The following TLL1 variants were observed in gnomAD, a reference collection of about 807,000 sequenced individuals.
The protein encoded by TLL1 is tolloid-like protein 1.
A neutral mutation model predicts 128.2 loss-of-function variants in TLL1; 49 were observed. That is an observed-to-expected ratio of 0.38 (90% CI 0.30 to 0.48). TLL1 has a LOEUF of 0.48. Among genes scored for constraint, TLL1 ranks in the 20% least tolerant of loss-of-function variants. The probability of loss-of-function intolerance (pLI) is 0.96; values close to 1 mark genes in which losing one functional copy is unlikely to be tolerated. For missense variants in TLL1, 1,123 were observed against 1,242.0 expected, an observed-to-expected ratio of 0.90 and a Z score of 1.44; for synonymous variants, 454 against 418.8, an observed-to-expected ratio of 1.08 and a Z score of -1.03.
At chr4:165,910,458 T>A (rs938268295) in intron 1 of TLL1, among the ~76,000 whole-genome samples, 7 of 152,218 alleles carry the variant, frequency 4.6e-5, no homozygotes, top group African/African-American at 1.7e-4. Context: ...AAAATGTGGC[T>A]CATATCCATT....
chr4:165,981,475 A>G (rs1736146774), intron 1 of TLL1, among the ~76,000 whole-genome samples: 1 of 152,084 alleles, frequency 6.6e-6, no homozygotes, highest in Non-Finnish European at 1.5e-5. Context: ...TTAATCAGTA[A>G]TGCTGCAGGG....
At chr4:165,936,206 A>ATATTT (rs765472596) in intron 1 of TLL1, among the ~76,000 whole-genome samples, 66 of 139,610 alleles carry the variant, frequency 4.7e-4, no homozygotes, top group East Asian at 1.7e-3. Flanking sequence ...ATATATATAT[A>ATATTT]TTTTTTTTTC....
At chr4:166,068,719 T>C (rs1740684636) in intron 16 of TLL1, among the ~76,000 whole-genome samples, 1 of 151,824 alleles carries the variant, frequency 6.6e-6, no homozygotes, top group African/African-American at 2.4e-5. Flanking sequence ...CAAAATAATA[T>C]GATAGTGACA....
At chr4:165,951,206 A>G (rs915818538) in intron 1 of TLL1, among the ~76,000 whole-genome samples, 6 of 152,162 alleles carry the variant, frequency 3.9e-5, no homozygotes, top group African/African-American at 1.4e-4. Context: ...TAAAGAAATG[A>G]TAACCTGAAT....
chr4:165,996,835 A>C (rs1736903079), intron 5 of TLL1, among the ~76,000 whole-genome samples: 1 of 149,778 alleles, frequency 6.7e-6, no homozygotes, highest in Non-Finnish European at 1.5e-5. Context: ...GTATTAATTA[A>C]TATATACATC....
chr4:166,096,212 T>G (rs567581467), intron 19 of TLL1, among the ~76,000 whole-genome samples: 9 of 92,216 alleles, frequency 9.8e-5, no homozygotes, highest in East Asian at 4.7e-4. Flanking sequence ...CTGTCATGGG[T>G]GTGTGTGTGT....
chr4:165,992,433 A>G lies in TLL1; in HGVS notation c.281-371A>G, dbSNP rs375896301. ...TGGCCTCCGAAAATATTCAGTTTGC[A>G]CTGGGGAAATAGCTGGCATGCAATC... On this transcript the variant is annotated intron_variant, in intron 2 of 20. Coordinates refer to ENST00000061240, the MANE Select transcript of TLL1 (RefSeq NM_012464.5). 2.6e-5 allele frequency among the ~76,000 whole-genome samples: 4 copies of G among 152,162 alleles called. No individual in the cohort carries two copies. In the East Asian group the frequency reaches 7.7e-4, roughly 29 times the overall value.
At chr4:166,090,380 A>T (rs191045399) in intron 18 of TLL1, among the ~76,000 whole-genome samples, 58 of 152,150 alleles carry the variant, frequency 3.8e-4, no homozygotes, top group African/African-American at 1.1e-3. Context: ...GTAGTGTGTT[A>T]TACATTTAAT....
At chr4:166,016,983 G>A (rs1024987943) in intron 8 of TLL1, among the ~76,000 whole-genome samples, 1 of 151,338 alleles carries the variant, frequency 6.6e-6, no homozygotes, top group African/African-American at 2.4e-5. Flanking sequence ...GGCTTGTTAC[G>A]TGGGAATGTT....
intron 1 of TLL1, among the ~76,000 whole-genome samples, chr4:165,930,567 A>G (rs1199309024): frequency 6.6e-6 from 1 of 152,136 alleles, no homozygotes; most frequent in African/African-American, 2.4e-5. Flanking sequence ...CAGAGGATTT[A>G]TGGTCCACAA....
intron 9 of TLL1, among the ~76,000 whole-genome samples, chr4:166,029,582 A>G (rs542566157): frequency 2.0e-5 from 3 of 152,194 alleles, no homozygotes; most frequent in Non-Finnish European, 2.9e-5. Flanking sequence ...TGTTAAGTAT[A>G]TTCACTTTGT....
At chr4:165,895,788 A>C (rs1731650098) in intron 1 of TLL1, among the ~76,000 whole-genome samples, 1 of 152,146 alleles carries the variant, frequency 6.6e-6, no homozygotes, top group Non-Finnish European at 1.5e-5. Context: ...TTACAGCTAC[A>C]GTACTCAAGA....
In TLL1 at chr4:166,055,067, C is replaced by T. The variant is rs1323443519; in HGVS notation, c.1525-9C>T. ...AACATATATTTTCACATATTTTTTT[C>T]TGTTGCAGATTGAAAGACATGACAA... is the stretch of plus-strand genomic sequence containing the variant. On this transcript the variant is annotated splice_polypyrimidine_tract_variant and intron_variant, in intron 12 of 20. Coordinates refer to ENST00000061240, the MANE Select transcript of TLL1 (RefSeq NM_012464.5). 2 of 1,603,746 alleles carry T rather than the reference C, an allele frequency of 1.2e-6. No individual in the cohort carries two copies. Among genetic ancestry groups the T allele is most frequent in the South Asian group, 1.1e-5 (1 of 88,964 alleles).
intron 1 of TLL1, among the ~76,000 whole-genome samples, chr4:165,975,410 A>G (rs768912240): frequency 6.6e-5 from 10 of 152,148 alleles, no homozygotes; most frequent in Non-Finnish European, 1.3e-4. Flanking sequence ...ATAGGAAAAG[A>G]AATCTGCCCT....
At chr4:166,027,896 A>G (rs1738581394) in intron 9 of TLL1, among the ~76,000 whole-genome samples, 1 of 152,148 alleles carries the variant, frequency 6.6e-6, no homozygotes, top group Non-Finnish European at 1.5e-5. Context: ...TGTATGTATG[A>G]TTATCTATAA....
Position 165,873,862 on chromosome 4 carries a change from A to T in TLL1, c.-43A>T. 1 of 1,611,136 alleles carries T rather than the reference A, an allele frequency of 6.2e-7. No individual in the cohort carries two copies. The highest frequency in any genetic ancestry group is 1.3e-5 in the African/African-American group (1 of 74,970). ...ACATCAGCGCGGACCGCGGCTGCCT[A>T]ACCTCTGGGTCCCGTCCCCTCCTTT... On this transcript the variant is annotated 5_prime_UTR_variant, in exon 1 of 21. Coordinates refer to ENST00000061240, the MANE Select transcript of TLL1 (RefSeq NM_012464.5).
intron 1 of TLL1, among the ~76,000 whole-genome samples, chr4:165,947,814 T>C (rs1481677229): frequency 6.6e-6 from 1 of 152,110 alleles, no homozygotes; most frequent in Admixed American, 6.6e-5. Context: ...TCTGGTCTAA[T>C]GTAGTGAACC....
chr4:165,976,692 C>T (rs80184553), intron 1 of TLL1, among the ~76,000 whole-genome samples: 4 of 152,080 alleles, frequency 2.6e-5, no homozygotes, highest in Non-Finnish European at 5.9e-5. Context: ...AAGCTATACA[C>T]CAATGAAACA....
intron 16 of TLL1, among the ~76,000 whole-genome samples, chr4:166,073,735 C>A (rs762018349): frequency 1.3e-5 from 2 of 152,118 alleles, no homozygotes; most frequent in Non-Finnish European, 2.9e-5. Flanking sequence ...TTAAAAAGTA[C>A]TATCAGATTC....
Sources: allele counts gnomAD v4.1 joint callset (sites outside exome capture counted in the v4.1 genomes callset), GRCh38; gene constraint gnomAD v4.1.1; transcripts MANE v1.5; gene names NCBI Gene and HGNC (gene_info 2026-07-23, HGNC 2026-07-21).